APOBEC3F: variants seen among roughly 807,000 people sequenced by gnomAD.
APOBEC3F encodes DNA dC->dU-editing enzyme APOBEC-3F.
Under a neutral mutation model 45.8 loss-of-function variants are expected in APOBEC3F, and 34 were observed. The ratio of observed to expected loss-of-function variants is 0.74; its 90% CI spans 0.57 to 0.99. APOBEC3F has a LOEUF of 0.99. APOBEC3F is among the 50% of genes least tolerant of loss of function. APOBEC3F has a pLI of 0.00. For missense variants in APOBEC3F, 459 were observed against 474.1 expected (o/e 0.97, Z 0.30); for synonymous variants, 192 against 174.4 (o/e 1.10, Z -0.80).
Position 39,054,476 on chromosome 22 carries a change from C to A in APOBEC3F, c.*1781C>A, listed in dbSNP as rs1172398362. 6.6e-6 allele frequency among the ~76,000 whole-genome samples: 1 copy of A among 151,764 alleles called. No individual in the cohort carries two copies. ...TGAACTCCTGACCTCGTGATCCACC[C>A]GTCTCGGCCTCCCAAAGTGCTGGGA... On this transcript the variant is annotated 3_prime_UTR_variant, in exon 7 of 7. Coordinates refer to ENST00000308521, the MANE Select transcript of APOBEC3F (RefSeq NM_145298.6).
intron 5 of APOBEC3F, among the ~76,000 whole-genome samples, chr22:39,050,193 GA>G (rs1354734094): frequency 6.6e-6 from 1 of 151,320 alleles, no homozygotes. Flanking sequence ...GCAGCTGTGG[GA>G]AGCGGTGGGT....
chr22:39,052,264 G>A lies in APOBEC3F; in HGVS notation c.914G>A (p.Arg305His), dbSNP rs745855767. ...SNVNLTIFTARLYYFWDTDYQ... is the reference protein window; with the variant it reads ...SNVNLTIFTAHLYYFWDTDYQ... ...GTGAATCTCACCATCTTCACCGCCC[G>A]CCTCTACTACTTCTGGGATACAGAT... is the stretch of plus-strand genomic sequence containing the variant. The change falls in exon 6 of 7, where the codon CGC (arginine) becomes CAC (histidine). Residue 305 changes from arginine to histidine, a missense_variant. Coordinates refer to ENST00000308521, the MANE Select transcript of APOBEC3F (RefSeq NM_145298.6). The A allele has an allele frequency of 1.2e-6, 2 of 1,614,208 alleles. No homozygotes were observed. The highest frequency in any genetic ancestry group is 4.5e-5 in the East Asian group (2 of 44,884).
Position 39,044,925 on chromosome 22 carries a change from C to T in APOBEC3F, c.172-16C>T. On this transcript the variant is annotated splice_polypyrimidine_tract_variant and intron_variant, in intron 2 of 6. Coordinates refer to ENST00000308521, the MANE Select transcript of APOBEC3F (RefSeq NM_145298.6). ...CCCCCTCTCAGAGCATCCCCTGCCC[C>T]CTGCTCCTCTCCCAGGTGTATTCCC... The T allele has an allele frequency of 6.2e-7, 1 of 1,611,086 alleles. No individual in the cohort carries two copies. Among genetic ancestry groups the T allele is most frequent in the Non-Finnish European group, 8.5e-7 (1 of 1,177,946 alleles).
Position 39,054,844 on chromosome 22 carries a change from C to A in APOBEC3F, c.*2149C>A. ...TAAAAATGATCCCTTCATGCTGTGG[C>A]CTCCACAGAAGATGCCCTGGGCCAG... On this transcript the variant is annotated 3_prime_UTR_variant, in exon 7 of 7. Coordinates refer to ENST00000308521, the MANE Select transcript of APOBEC3F (RefSeq NM_145298.6). Among the ~76,000 whole-genome samples the A allele has an allele frequency of 6.6e-6, 1 of 152,160 alleles. No homozygotes were observed. The highest frequency in any genetic ancestry group is 1.5e-5 in the Non-Finnish European group (1 of 68,026).
intron 5 of APOBEC3F, 126 bp from the exon 6 acceptor site, chr22:39,051,948 T>C: frequency 7.1e-7 from 1 of 1,401,044 alleles, no homozygotes; most frequent in African/African-American, 1.4e-5. Flanking sequence ...GGAGAGACCC[T>C]GTCTCAAAAA....
chr22:39,049,511 T>G lies in APOBEC3F; in HGVS notation c.653T>G (p.Leu218Arg), dbSNP rs765093100. 7 of 1,614,122 alleles carry G rather than the reference T, an allele frequency of 4.3e-6. No individual in the cohort carries two copies. In the South Asian group the frequency reaches 7.7e-5, roughly 18 times the overall value. Reference protein sequence around the residue: ...RKAYGRNESWLCFTMEVVKHH... With the variant: ...RKAYGRNESWRCFTMEVVKHH... ...GCCTATGGTCGGAACGAAAGCTGGC[T>G]GTGCTTCACCATGGAAGTTGTAAAG... The change falls in exon 5 of 7, where the codon CTG (leucine) becomes CGG (arginine). Residue 218 changes from leucine to arginine, a missense_variant. Physicochemically the swap from Leu to Arg is moderately radical, Grantham distance 102 (BLOSUM62 -2). Transcript: ENST00000308521.
intron 2 of APOBEC3F, among the ~76,000 whole-genome samples, chr22:39,043,836 A>T (rs953685652): frequency 6.6e-5 from 10 of 151,236 alleles, no homozygotes; most frequent in Non-Finnish European, 1.3e-4. Flanking sequence ...CTTGGCCAAC[A>T]TGGTGAAATC....
intron 4 of APOBEC3F, among the ~76,000 whole-genome samples, chr22:39,048,344 C>T (rs1927319849): frequency 1.3e-5 from 2 of 152,196 alleles, no homozygotes; most frequent in Non-Finnish European, 2.9e-5. Context: ...GCCTCAGGCA[C>T]ATACCATGAG....
intron 4 of APOBEC3F, among the ~76,000 whole-genome samples, chr22:39,046,246 A>G (rs924848212): frequency 2.0e-5 from 3 of 152,162 alleles, no homozygotes; most frequent in Admixed American, 6.6e-5. Context: ...AAGGGCCATG[A>G]GTTAATTTAA....
intron 4 of APOBEC3F, among the ~76,000 whole-genome samples, chr22:39,047,505 G>C (rs956513640): frequency 3.3e-5 from 5 of 152,192 alleles, no homozygotes; most frequent in African/African-American, 1.2e-4. Context: ...TGAAGCCCCA[G>C]ATCAGGGACC....
chr22:39,041,670 C>T (rs1926902237), intron 1 of APOBEC3F, among the ~76,000 whole-genome samples: 1 of 152,060 alleles, frequency 6.6e-6, no homozygotes, highest in Non-Finnish European at 1.5e-5. Context: ...TCGAGACCAT[C>T]CTGATCAACA....
At chr22:39,051,788 C>T (rs1252833441) in intron 5 of APOBEC3F, among the ~76,000 whole-genome samples, 2 of 151,610 alleles carry the variant, frequency 1.3e-5, no homozygotes, top group African/African-American at 4.8e-5. Context: ...CCAGTCTCTA[C>T]AAAAATTACA....
intron 1 of APOBEC3F, among the ~76,000 whole-genome samples, chr22:39,041,321 T>A (rs546520614): frequency 2.0e-5 from 3 of 151,420 alleles, no homozygotes; most frequent in African/African-American, 7.2e-5. Context: ...CTGGGAGAAT[T>A]GAACCAAAGG....
chr22:39,046,829 G>A (rs1927248472), intron 4 of APOBEC3F, among the ~76,000 whole-genome samples: 1 of 152,072 alleles, frequency 6.6e-6, no homozygotes, highest in South Asian at 2.1e-4. Context: ...TTGGCCAGGT[G>A]TTGAGTAAGA....
intron 2 of APOBEC3F, 100 bp downstream of exon 2, chr22:39,043,190 G>A (rs930792213): frequency 4.9e-6 from 7 of 1,439,726 alleles, no homozygotes; most frequent in Non-Finnish European, 6.5e-6. Flanking sequence ...GGGCTATCCA[G>A]TGTGTCCTTC....
chr22:39,049,452 C>A lies in APOBEC3F; in HGVS notation c.594C>A (p.His198Gln), dbSNP rs372471972. The change falls in exon 5 of 7, where the codon CAC (histidine) becomes CAA (glutamine). Residue 198 changes from histidine (H) to glutamine (Q), a missense_variant. Coordinates refer to ENST00000308521, the MANE Select transcript of APOBEC3F (RefSeq NM_145298.6). ...LRNPMEAMYP[H>Q]IFYFHFKNLR... Reference sequence around the variant, plus strand: ...ACCCGATGGAGGCAATGTATCCACACATATTCTACTTCCACTTTAAAAACC... The same window carrying A: ...ACCCGATGGAGGCAATGTATCCACAAATATTCTACTTCCACTTTAAAAACC... 1.2e-6 allele frequency: 2 copies of A among 1,614,014 alleles called. No homozygotes were observed. The highest frequency in any genetic ancestry group is 1.7e-6 in the Non-Finnish European group (2 of 1,180,018).
chr22:39,047,734 C>G (rs1229200310), intron 4 of APOBEC3F, among the ~76,000 whole-genome samples: 1 of 152,066 alleles, frequency 6.6e-6, no homozygotes, highest in African/African-American at 2.4e-5. Flanking sequence ...CAGCCCAGGC[C>G]CCCTGCTGAG....
rs1036325174 is a variant in APOBEC3F, at chr22:39,052,166, C to G, written c.816C>G (p.Thr272=). 2 of 1,614,004 alleles carry G rather than the reference C, an allele frequency of 1.2e-6. No individual in the cohort carries two copies. Among genetic ancestry groups the G allele is most frequent in the Non-Finnish European group, 8.5e-7 (1 of 1,180,002 alleles). Residue 272 remains threonine (T), a synonymous_variant, in exon 6 of 7, where the codon ACC becomes ACG. Transcript: ENST00000308521. ...CTCCTAACACAAACTACGAGGTCAC[C>G]TGGTACACATCTTGGAGCCCTTGCC... is the stretch of plus-strand genomic sequence containing the variant. ...ILSPNTNYEV[T]WYTSWSPCPE... is the part of the protein sequence containing the mutation.
intron 1 of APOBEC3F, among the ~76,000 whole-genome samples, chr22:39,041,883 C>T (rs758381534): frequency 6.6e-6 from 1 of 151,834 alleles, no homozygotes; most frequent in Admixed American, 6.6e-5. Flanking sequence ...AAAACAAAAA[C>T]AAAAAACATG....
Sources: allele counts gnomAD v4.1 joint callset (sites outside exome capture counted in the v4.1 genomes callset), GRCh38; gene constraint gnomAD v4.1.1; transcripts MANE v1.5; gene names NCBI Gene and HGNC (gene_info 2026-07-23, HGNC 2026-07-21).